G2E3: variants seen among roughly 807,000 people sequenced by gnomAD.
G2E3 encodes the protein G2/M phase-specific E3 ubiquitin-protein ligase.
In G2E3, 35 loss-of-function variants were observed where a neutral mutation model predicts 92.8. That is an observed-to-expected ratio of 0.38 (90% CI 0.29 to 0.50). The LOEUF (loss-of-function observed/expected upper bound fraction) is 0.50. Among genes scored for constraint, G2E3 ranks in the 20% least tolerant of loss-of-function variants. G2E3 has a pLI of 0.94. For missense variants in G2E3, 554 were observed against 823.8 expected (o/e 0.67, Z 4.01); for synonymous variants, 242 against 272.4 (o/e 0.89, Z 1.10).
At chr14:30,574,186 C>A (rs532982997) in intron 1 of G2E3, among the ~76,000 whole-genome samples, 18 of 152,160 alleles carry the variant, frequency 1.2e-4, no homozygotes, top group African/African-American at 4.1e-4. Flanking sequence ...ATATCTGGTC[C>A]CCCTACCCCT....
At chr14:30,612,009 A>G (rs1235958595) in intron 12 of G2E3, 198 bp from the exon 13 acceptor site, 2 of 485,742 alleles carry the variant, frequency 4.1e-6, no homozygotes, top group Non-Finnish European at 7.4e-6. Context: ...TATACTCTGG[A>G]TTTCTTGAAG....
intron 2 of G2E3, among the ~76,000 whole-genome samples, chr14:30,585,607 G>T: frequency 6.8e-6 from 1 of 147,896 alleles, no homozygotes. Context: ...GGTTAGTCTA[G>T]TTAAAGGTTT....
At chr14:30,590,987 A>G (rs770085123) in intron 4 of G2E3, 17 of 231,882 alleles carry the variant, frequency 7.3e-5, no homozygotes, top group Middle Eastern at 1.7e-3. Flanking sequence ...AAATGTTCCA[A>G]TGAGCATTTC....
Position 30,563,876 on chromosome 14 carries a change from G to A in G2E3, c.-5+4604G>A, listed in dbSNP as rs541878138. 2.1e-4 allele frequency among the ~76,000 whole-genome samples: 32 copies of A among 151,986 alleles called. No individual in the cohort carries two copies. In the East Asian group the frequency reaches 4.5e-3, roughly 21 times the overall value. On this transcript the variant is annotated intron_variant, in intron 1 of 14. Transcript: ENST00000206595. ...CTGGATTACAGGCACCTGCCACCAC[G>A]CCCGGCTAATTTTTGTGATTTTAGT...
chr14:30,566,047 C>T lies in G2E3; in HGVS notation c.-5+6775C>T, dbSNP rs1471152399. ...TTCTTCCCATTTAATGGTCTTGGCACCCTTATTGAAAATTAGTTTACTATA... is the reference window on the plus strand; with the variant it reads ...TTCTTCCCATTTAATGGTCTTGGCATCCTTATTGAAAATTAGTTTACTATA... On this transcript the variant is annotated intron_variant, in intron 1 of 14. Transcript: ENST00000206595. 2.6e-5 allele frequency among the ~76,000 whole-genome samples: 4 copies of T among 152,126 alleles called. No individual in the cohort carries two copies. The East Asian group carries it at 7.7e-4, about 29-fold the overall frequency.
intron 1 of G2E3, among the ~76,000 whole-genome samples, chr14:30,567,414 T>G (rs1396907694): frequency 6.6e-6 from 1 of 152,180 alleles, no homozygotes; most frequent in African/African-American, 2.4e-5. Context: ...TTGTTTAATT[T>G]GTTAACTTTT....
At chr14:30,575,491 T>C (rs1203498439) in intron 1 of G2E3, among the ~76,000 whole-genome samples, 1 of 152,108 alleles carries the variant, frequency 6.6e-6, no homozygotes, top group Non-Finnish European at 1.5e-5. Flanking sequence ...CTCTCACCAC[T>C]TCAACATAGT....
intron 6 of G2E3, among the ~76,000 whole-genome samples, chr14:30,594,611 T>G (rs1294814987): frequency 6.6e-6 from 1 of 151,672 alleles, no homozygotes; most frequent in Non-Finnish European, 1.5e-5. Flanking sequence ...GAGAATGGCA[T>G]GAACCCGGAA....
At chr14:30,573,821 C>G (rs956558947) in intron 1 of G2E3, among the ~76,000 whole-genome samples, 1 of 152,162 alleles carries the variant, frequency 6.6e-6, no homozygotes, top group Non-Finnish European at 1.5e-5. Context: ...GTTTACCAAT[C>G]TTTTCCAGAA....
In G2E3 at chr14:30,593,533, C is replaced by T. The variant is rs201545564; in HGVS notation, c.422C>T (p.Ser141Phe). The T allele has an allele frequency of 6.8e-5, 107 of 1,562,192 alleles. No homozygotes were observed. Among genetic ancestry groups the T allele is most frequent in the Non-Finnish European group, 8.9e-5 (101 of 1,133,432 alleles). The change falls in exon 6 of 15, where the codon TCC (serine) becomes TTC (phenylalanine). Residue 141 changes from serine (S) to phenylalanine (F), a missense_variant. Physicochemically the swap from Ser to Phe is radical, Grantham distance 155. Coordinates refer to ENST00000206595, the MANE Select transcript of G2E3 (RefSeq NM_017769.5). ...ATTACATCTAATAATTATAGAGAGT[C>T]CTTACCATGCACCATTTGCTTGGAA... Reference protein sequence around the residue: ...QIITSNNYRESLPCTICLEFI... With the variant: ...QIITSNNYREFLPCTICLEFI...
At chr14:30,592,597 T>TA in intron 5 of G2E3, 150 bp downstream of exon 5, 1 of 539,574 alleles carries the variant, frequency 1.9e-6, no homozygotes, top group Non-Finnish European at 3.1e-6. Context: ...CGCCCACCCT[T>TA]ATGGGGTCAT....
At chr14:30,589,335 C>A in intron 3 of G2E3, 48 bp from the exon 4 acceptor site, 2 of 1,045,860 alleles carry the variant, frequency 1.9e-6, no homozygotes, top group Non-Finnish European at 3.0e-6. Flanking sequence ...TTTTTAATGC[C>A]CAACTAGTTT....
intron 1 of G2E3, among the ~76,000 whole-genome samples, chr14:30,562,858 C>G (rs1173753009): frequency 6.6e-6 from 1 of 152,222 alleles, no homozygotes; most frequent in Non-Finnish European, 1.5e-5. Context: ...CTGTCTCTCT[C>G]TCTGCCTCGG....
intron 1 of G2E3, among the ~76,000 whole-genome samples, chr14:30,562,629 A>C (rs901846255): frequency 6.6e-6 from 1 of 151,228 alleles, no homozygotes; most frequent in Non-Finnish European, 1.5e-5. Flanking sequence ...TTTAGAGAAG[A>C]CTCTACTCCT....
At position 30,560,711 on chromosome 14, in the gene G2E3, T is replaced by C. The variant is rs958140103; in HGVS notation, c.-5+1439T>C. 5 of 658,300 alleles carry C rather than the reference T, an allele frequency of 7.6e-6. No individual in the cohort carries two copies. In the African/African-American group the frequency reaches 9.1e-5, roughly 12 times the overall value. 40.8% of individuals were successfully genotyped at this position (658,300 alleles called of 1,614,324 possible). A position where few individuals can be genotyped will look rare whatever the true frequency, so the allele number is the denominator to read the frequency against. The stretch of plus-strand genomic sequence containing the variant: ...TTTGCTCTTTCTTAAATCAGTGAGT[T>C]TCAGAATTTATTGTGTATACACTAC... On this transcript the variant is annotated intron_variant, in intron 1 of 14. Transcript: ENST00000206595.
chr14:30,585,952 A>C (rs1594483179), intron 2 of G2E3, among the ~76,000 whole-genome samples: 1 of 152,086 alleles, frequency 6.6e-6, no homozygotes, highest in Non-Finnish European at 1.5e-5. Flanking sequence ...AGGTTTTCCA[A>C]ATTTTTATTC....
intron 12 of G2E3, among the ~76,000 whole-genome samples, chr14:30,610,088 A>G (rs1485405121): frequency 6.6e-6 from 1 of 152,180 alleles, no homozygotes; most frequent in African/African-American, 2.4e-5. Context: ...TCATTAGGGC[A>G]TTTAAGACCT....
chr14:30,602,222 C>A, intron 10 of G2E3, 91 bp downstream of exon 10: 2 of 951,614 alleles, frequency 2.1e-6, no homozygotes, highest in Non-Finnish European at 3.2e-6. Context: ...ATTAGGTGAT[C>A]ATACAGTAGT....
Position 30,615,521 on chromosome 14 carries a change from T to A in G2E3, c.1846T>A (p.Tyr616Asn). Reference sequence around the variant, plus strand: ...GAAAGCTTTGGGGTTTTGGAACAGTTACTTACAGGCTGTTGAAGGTATGTG... The same window carrying A: ...GAAAGCTTTGGGGTTTTGGAACAGTAACTTACAGGCTGTTGAAGGTATGTG... ...DVKALGFWNS[Y>N]LQAVEDGKST... The change falls in exon 14 of 15, where the codon TAC (tyrosine) becomes AAC (asparagine). Residue 616 changes from tyrosine (Y) to asparagine (N), a missense_variant. By Grantham distance (143) the Tyr-to-Asn change is moderately radical. Around this residue, in one of 3 missense-constraint regions of G2E3, gnomAD observed 397 missense variants for 560.3 expected, o/e 0.71. Coordinates refer to ENST00000206595, the MANE Select transcript of G2E3 (RefSeq NM_017769.5). The A allele has an allele frequency of 6.3e-7, 1 of 1,592,050 alleles. No homozygotes were observed. The highest frequency in any genetic ancestry group is 8.5e-7 in the Non-Finnish European group (1 of 1,169,724).
Sources: allele counts gnomAD v4.1 joint callset (sites outside exome capture counted in the v4.1 genomes callset), GRCh38; gene constraint gnomAD v4.1.1; regional missense constraint gnomAD v4.1.1; transcripts MANE v1.5; gene names NCBI Gene and HGNC (gene_info 2026-07-23, HGNC 2026-07-21).